Variants in PGR observed in about 807,000 individuals in gnomAD.
PGR encodes the protein nuclear receptor subfamily 3 group C member 3.
Under a neutral mutation model 76.1 loss-of-function variants are expected in PGR, and 25 were observed. That is an observed-to-expected ratio of 0.33 (90% CI 0.24 to 0.46). The LOEUF (loss-of-function observed/expected upper bound fraction) is 0.46. PGR is among the 20% of genes least tolerant of loss of function. PGR has a pLI of 1.00. For missense variants in PGR, 1,172 were observed against 1,225.3 expected, an observed-to-expected ratio of 0.96 and a Z score of 0.65; for synonymous variants, 579 against 535.0, an observed-to-expected ratio of 1.08 and a Z score of -1.14.
At chr11:101,039,357 C>T in intron 7 of PGR, 86 bp from the exon 8 acceptor site, 1 of 997,818 alleles carries the variant, frequency 1.0e-6, no homozygotes, top group Non-Finnish European at 1.5e-6. Context: ...ATTTTTCTAA[C>T]TATTTATAAT....
intron 2 of PGR, among the ~76,000 whole-genome samples, chr11:101,111,211 T>C (rs576307328): frequency 2.0e-5 from 3 of 152,182 alleles, no homozygotes; most frequent in African/African-American, 7.2e-5. Flanking sequence ...ACACAAAAAG[T>C]GGAAGTCTCC....
intron 3 of PGR, among the ~76,000 whole-genome samples, chr11:101,064,377 CCAA>C (rs2135414207): frequency 7.9e-6 from 1 of 127,190 alleles, no homozygotes; most frequent in African/African-American, 3.2e-5. Flanking sequence ...AAAAACAGCC[CCAA>C]CGAGTTGAGC....
At chr11:101,064,492 G>T (rs967696229) in intron 3 of PGR, among the ~76,000 whole-genome samples, 1 of 151,962 alleles carries the variant, frequency 6.6e-6, no homozygotes, top group East Asian at 1.9e-4. Flanking sequence ...CTGGGGGAAG[G>T]AATGAGTCAC....
intron 6 of PGR, among the ~76,000 whole-genome samples, chr11:101,048,863 C>G (rs1297222871): frequency 1.3e-5 from 2 of 151,958 alleles, no homozygotes; most frequent in Non-Finnish European, 2.9e-5. Flanking sequence ...AACTTTTTGA[C>G]TCTTTTGTAA....
At chr11:101,049,111 CT>C (rs553390822) in intron 6 of PGR, among the ~76,000 whole-genome samples, 1 of 151,892 alleles carries the variant, frequency 6.6e-6, no homozygotes, top group Admixed American at 6.6e-5. Flanking sequence ...TTTGCTTAAA[CT>C]TTTTTTAAAA....
intron 3 of PGR, among the ~76,000 whole-genome samples, chr11:101,073,730 G>A (rs1270426384): frequency 6.6e-6 from 1 of 152,120 alleles, no homozygotes; most frequent in East Asian, 1.9e-4. Context: ...AGAAAATCTA[G>A]AAGAAATGCA....
intron 4 of PGR, among the ~76,000 whole-genome samples, chr11:101,053,152 T>A (rs1860157595): frequency 6.6e-6 from 1 of 152,196 alleles, no homozygotes; most frequent in Admixed American, 6.5e-5. Context: ...TTTAAAAACA[T>A]CTATTTTCTC....
At chr11:101,123,110 C>CAATATCCT (rs1862730397) in intron 2 of PGR, among the ~76,000 whole-genome samples, 1 of 152,126 alleles carries the variant, frequency 6.6e-6, no homozygotes, top group Non-Finnish European at 1.5e-5. Context: ...TTACCATTTC[C>CAATATCCT]TAAGCGTATT....
intron 4 of PGR, among the ~76,000 whole-genome samples, chr11:101,053,624 CCTT>C (rs1289372626): frequency 2.5e-5 from 3 of 120,450 alleles, no homozygotes; most frequent in African/African-American, 8.2e-5. Flanking sequence ...TCTTCCCTCC[CCTT>C]CTTCCTCCTT....
intron 2 of PGR, among the ~76,000 whole-genome samples, chr11:101,120,624 G>A (rs1430494993): frequency 6.6e-6 from 1 of 151,984 alleles, no homozygotes; most frequent in East Asian, 1.9e-4. Flanking sequence ...CATAAATTAT[G>A]ATATATAATA....
rs1440563666 is a variant in PGR, at chr11:101,128,014, C to CCGGGGTGGACGAGGCA, written c.1041_1056dup (p.Val353CysfsTer31). On this transcript the variant is annotated frameshift_variant, in exon 1 of 8. Transcript: ENST00000325455. LOFTEE classifies it high-confidence loss of function. The stretch of plus-strand genomic sequence containing the variant: ...CAGTCGGGGAAGTCGCCTACAGCGA[C>CCGGGGTGGACGAGGCA]CGGGGTGGACGAGGCACAGGGTGAA... The CCGGGGTGGACGAGGCA allele has an allele frequency of 6.2e-7, 1 of 1,609,744 alleles. No homozygotes were observed. Among genetic ancestry groups the CCGGGGTGGACGAGGCA allele is most frequent in the Non-Finnish European group, 8.5e-7 (1 of 1,179,822 alleles).
At chr11:101,103,765 T>TA (rs1006583879) in intron 2 of PGR, among the ~76,000 whole-genome samples, 4 of 152,198 alleles carry the variant, frequency 2.6e-5, no homozygotes, top group Non-Finnish European at 5.9e-5. Flanking sequence ...TGAAAAATTT[T>TA]AAAAAATTAC....
At chr11:101,046,292 A>ATTTTTTTTTTTTTTTTTTTT (rs540943297) in intron 6 of PGR, among the ~76,000 whole-genome samples, 1 of 66,288 alleles carries the variant, frequency 1.5e-5, no homozygotes, top group Non-Finnish European at 2.5e-5. Context: ...CGCCTGGCTA[A>ATTTTTTTTTTTTTTTTTTTT]TTTTTTTTTT....
chr11:101,096,340 T>C (rs946950719), intron 2 of PGR, among the ~76,000 whole-genome samples: 3 of 152,174 alleles, frequency 2.0e-5, no homozygotes, highest in Admixed American at 2.0e-4. Flanking sequence ...TGATGAGCCA[T>C]CAAAACTGCA....
At chr11:101,122,355 T>C (rs1250539556) in intron 2 of PGR, among the ~76,000 whole-genome samples, 1 of 152,228 alleles carries the variant, frequency 6.6e-6, no homozygotes, top group East Asian at 1.9e-4. Flanking sequence ...TCAGTTATGA[T>C]GACTGGATCA....
rs1207651458 is a variant in PGR, at chr11:101,050,038, T to G, written c.2379A>C (p.Ser793=). 1.9e-6 allele frequency: 3 copies of G among 1,612,516 alleles called. No individual in the cohort carries two copies. The highest frequency in any genetic ancestry group is 2.5e-6 in the Non-Finnish European group (3 of 1,179,164). The part of the protein sequence containing the change: ...ILNEQRMKES[S]FYSLCLTMWQ... ...ACATGGTAAGGCATAATGAATAGAA[T>G]GATGATTCTTTCATCCGCTGTCTTG... The change falls in exon 6 of 8, where the codon TCA becomes TCC. Residue 793 remains serine, a synonymous_variant. Transcript: ENST00000325455.
At chr11:101,107,544 T>G (rs191687522) in intron 2 of PGR, among the ~76,000 whole-genome samples, 403 of 152,320 alleles carry the variant, frequency 2.6e-3, no homozygotes, top group African/African-American at 6.7e-3. Flanking sequence ...CACAATCATT[T>G]GACCTCACAT....
chr11:101,064,995 G>T lies in PGR; in HGVS notation c.1907-2243C>A, dbSNP rs142263391. 5.3e-3 allele frequency among the ~76,000 whole-genome samples: 801 copies of T among 152,318 alleles called. 4 individuals carry two copies. The highest frequency in any genetic ancestry group is 0.019 in the African/African-American group (778 of 41,564). ...CAATGGGCTACACCAAACAGCCTAG[G>T]TGTGTAGTAGGCTATACCATCTAAG... On this transcript the variant is annotated intron_variant, in intron 3 of 7. Coordinates refer to ENST00000325455, the MANE Select transcript of PGR (RefSeq NM_000926.4).
intron 2 of PGR, among the ~76,000 whole-genome samples, chr11:101,102,838 T>C (rs1245700019): frequency 7.2e-5 from 8 of 111,684 alleles, no homozygotes; most frequent in African/African-American, 2.8e-4. Flanking sequence ...AGACGAATTT[T>C]CCACGGACTG....
Sources: allele counts gnomAD v4.1 joint callset (sites outside exome capture counted in the v4.1 genomes callset), GRCh38; gene constraint gnomAD v4.1.1; transcripts MANE v1.5; gene names NCBI Gene and HGNC (gene_info 2026-07-23, HGNC 2026-07-21).